Variants in XPR1 observed in about 807,000 individuals in gnomAD.
XPR1 encodes the protein solute carrier family 53 member 1.
A neutral mutation model predicts 87.5 loss-of-function variants in XPR1; 28 were observed. The ratio of observed to expected loss-of-function variants is 0.32; its 90% CI spans 0.24 to 0.44. The LOEUF (loss-of-function observed/expected upper bound fraction) is 0.44. Among genes scored for constraint, XPR1 ranks in the 20% least tolerant of loss-of-function variants. XPR1 has a pLI of 1.00. For synonymous variants in XPR1, 300 were observed against 306.1 expected (o/e 0.98, Z 0.21); for missense variants, 559 against 862.3 (o/e 0.65, Z 4.41).
rs1258711178 is a variant in XPR1 at position 180,840,566 on chromosome 1, G to GTGTGTGTGTGTA, written c.1501+3851_1501+3852insGTGTGTGTGTAT. 2.9e-4 allele frequency among the ~76,000 whole-genome samples: 40 copies of GTGTGTGTGTGTA among 136,398 alleles called. 1 individual carries two copies. The East Asian group carries it at 6.7e-3, about 23-fold the overall frequency. 89.5% of individuals were successfully genotyped at this position (136,398 alleles called of 152,430 possible). On this transcript the variant is annotated intron_variant, in intron 11 of 14. Transcript: ENST00000367590. ...TGTGTGTGTGTGTGTGTGTGTGTGT[G>GTGTGTGTGTGTA]TATATATATATATATATATATATAA...
At chr1:180,699,209 C>CTTTTTTTTT (rs1168669274) in intron 2 of XPR1, among the ~76,000 whole-genome samples, 1 of 132,586 alleles carries the variant, frequency 7.5e-6, no homozygotes, top group Non-Finnish European at 1.6e-5. Flanking sequence ...TTTATTCTTT[C>CTTTTTTTTT]TTTTTTTTTT....
intron 2 of XPR1, among the ~76,000 whole-genome samples, chr1:180,686,974 A>G (rs1197235752): frequency 1.3e-5 from 2 of 152,284 alleles, no homozygotes; most frequent in East Asian, 3.9e-4. Flanking sequence ...AGACTATAAT[A>G]TATTTAATTC....
At chr1:180,824,659 C>T (rs990417271) in intron 7 of XPR1, 94 bp from the exon 8 acceptor site, 2 of 1,082,610 alleles carry the variant, frequency 1.8e-6, no homozygotes, top group African/African-American at 1.6e-5. Flanking sequence ...AATTTCTATG[C>T]CAGGGCTATA....
intron 2 of XPR1, among the ~76,000 whole-genome samples, chr1:180,694,781 A>G (rs1006598393): frequency 1.6e-5 from 1 of 63,272 alleles, no homozygotes; most frequent in Non-Finnish European, 3.8e-5. Context: ...GTGCACACAC[A>G]CACACACACA....
intron 13 of XPR1, among the ~76,000 whole-genome samples, chr1:180,877,585 A>T (rs768744486): frequency 3.4e-4 from 52 of 152,234 alleles, no homozygotes; most frequent in Admixed American, 1.3e-4. Context: ...CTGGAAGTTA[A>T]CATAGGAAAG....
At chr1:180,719,633 G>A (rs1490379897) in intron 2 of XPR1, among the ~76,000 whole-genome samples, 1 of 152,016 alleles carries the variant, frequency 6.6e-6, no homozygotes, top group African/African-American at 2.4e-5. Context: ...ACATATTTGT[G>A]GGGTACAGAG....
rs1655677325 is a variant in XPR1, at chr1:180,659,385, TTCCTTCCTTCCTTCC to T, written c.70-22973_70-22959del. On this transcript the variant is annotated intron_variant, in intron 1 of 14. Coordinates refer to ENST00000367590, the MANE Select transcript of XPR1 (RefSeq NM_004736.4). ...CGTCCTTCCGTCCGTCCTTCCGTCC[TTCCTTCCTTCCTTCC>T]TTCCTTCCTTCCTTCCTTCCTTCCT... Among the ~76,000 whole-genome samples, 53 of 20,314 alleles carry T rather than the reference TTCCTTCCTTCCTTCC, an allele frequency of 2.6e-3. 1 individual carries two copies. Among genetic ancestry groups the T allele is most frequent in the African/African-American group, 5.6e-3 (50 of 8,958 alleles). The allele number at this position is 20,314 out of a possible 152,430, so 13.3% of individuals were successfully genotyped here. A position where few individuals can be genotyped will look rare whatever the true frequency, so the allele number is the denominator to read the frequency against.
At chr1:180,744,588 C>G (rs1292992463) in intron 2 of XPR1, among the ~76,000 whole-genome samples, 1 of 149,444 alleles carries the variant, frequency 6.7e-6, no homozygotes, top group Non-Finnish European at 1.5e-5. Flanking sequence ...TTAGAAGATT[C>G]AAGGTCTTGC....
chr1:180,678,779 A>T (rs186681982), intron 1 of XPR1, among the ~76,000 whole-genome samples: 7 of 152,340 alleles, frequency 4.6e-5, no homozygotes, highest in Admixed American at 1.3e-4. Flanking sequence ...TCCAAAGCAA[A>T]TAGTAAATTC....
chr1:180,822,317 T>A (rs536906065), intron 7 of XPR1, among the ~76,000 whole-genome samples: 10 of 152,190 alleles, frequency 6.6e-5, no homozygotes, highest in Non-Finnish European at 1.5e-4. Flanking sequence ...GTACTTTCCC[T>A]CTCTACAAGG....
intron 1 of XPR1, among the ~76,000 whole-genome samples, chr1:180,640,862 T>C (rs1352522981): frequency 6.6e-6 from 1 of 152,208 alleles, no homozygotes; most frequent in Non-Finnish European, 1.5e-5. Context: ...GTTTGGCTTC[T>C]GGATCATAAA....
intron 7 of XPR1, among the ~76,000 whole-genome samples, chr1:180,824,123 CAT>C (rs1285549451): frequency 6.6e-6 from 1 of 152,186 alleles, no homozygotes; most frequent in Non-Finnish European, 1.5e-5. Context: ...GAACTGATCA[CAT>C]GATTCTAAGC....
At chr1:180,649,991 A>G (rs1557938334) in intron 1 of XPR1, among the ~76,000 whole-genome samples, 1 of 151,980 alleles carries the variant, frequency 6.6e-6, no homozygotes, top group African/African-American at 2.4e-5. Flanking sequence ...TCCTGTTGGT[A>G]TCCCTTTTTG....
intron 2 of XPR1, among the ~76,000 whole-genome samples, chr1:180,778,758 A>G (rs1648823364): frequency 6.6e-6 from 1 of 152,168 alleles, no homozygotes; most frequent in African/African-American, 2.4e-5. Context: ...CATAATTCCC[A>G]GATTTATTTG....
rs1652929530 is a variant in XPR1, at chr1:180,884,048, T to TTC, written c.2073_2074insTC (p.Asp692SerfsTer12). The stretch of plus-strand genomic sequence containing the variant: ...CTAAGGTATTGATAGAAGACACAGA[T>TTC]GATGAAGCTAACACTTGAATTTTCT... On this transcript the variant is annotated frameshift_variant, in exon 15 of 15. Coordinates refer to ENST00000367590, the MANE Select transcript of XPR1 (RefSeq NM_004736.4). LOFTEE classifies it high-confidence loss of function. 6.2e-7 allele frequency: 1 copy of TTC among 1,614,088 alleles called. No homozygotes were observed. Among genetic ancestry groups the TTC allele is most frequent in the Non-Finnish European group, 8.5e-7 (1 of 1,179,984 alleles).
At chr1:180,742,235 A>C (rs1181670666) in intron 2 of XPR1, among the ~76,000 whole-genome samples, 1 of 152,076 alleles carries the variant, frequency 6.6e-6, no homozygotes, top group African/African-American at 2.4e-5. Flanking sequence ...GTGGAAGCTT[A>C]GATTAGTGAT....
chr1:180,646,758 A>G (rs973246126), intron 1 of XPR1, among the ~76,000 whole-genome samples: 3 of 152,142 alleles, frequency 2.0e-5, no homozygotes, highest in African/African-American at 7.2e-5. Flanking sequence ...GCAGTGCAGG[A>G]AAGAGGCGTG....
intron 7 of XPR1, among the ~76,000 whole-genome samples, chr1:180,813,199 C>G (rs1271977369): frequency 6.6e-6 from 1 of 151,166 alleles, no homozygotes; most frequent in African/African-American, 2.4e-5. Context: ...ATCTTCCCCC[C>G]ACACTTAGCT....
At chr1:180,786,019 C>T (rs1178765722) in intron 2 of XPR1, among the ~76,000 whole-genome samples, 1 of 151,528 alleles carries the variant, frequency 6.6e-6, no homozygotes, top group Non-Finnish European at 1.5e-5. Flanking sequence ...AAAATAATTC[C>T]CGGTGACCTT....
Sources: allele counts gnomAD v4.1 joint callset (sites outside exome capture counted in the v4.1 genomes callset), GRCh38; gene constraint gnomAD v4.1.1; transcripts MANE v1.5; gene names NCBI Gene and HGNC (gene_info 2026-07-23, HGNC 2026-07-21).